SLC4A4: variants seen among roughly 807,000 people sequenced by gnomAD.
The protein encoded by SLC4A4 is electrogenic sodium bicarbonate cotransporter 1.
Under a neutral mutation model 111.5 loss-of-function variants are expected in SLC4A4, and 27 were observed. That is an observed-to-expected ratio of 0.24 (90% confidence interval 0.18 to 0.33). The LOEUF (loss-of-function observed/expected upper bound fraction) is 0.33. SLC4A4 is among the 10% of genes least tolerant of loss of function. The pLI is 1.00. For missense variants in SLC4A4, 909 were observed against 1,315.5 expected (o/e 0.69, Z 4.78); for synonymous variants, 443 against 463.4 (o/e 0.96, Z 0.57).
At chr4:71,260,081 A>G (rs1721741719) in intron 3 of SLC4A4, among the ~76,000 whole-genome samples, 1 of 152,104 alleles carries the variant, frequency 6.6e-6, no homozygotes, top group Non-Finnish European at 1.5e-5. Flanking sequence ...ACCAGAACTG[A>G]TGGATTTATG....
chr4:71,414,496 A>C (rs377358474), intron 7 of SLC4A4, among the ~76,000 whole-genome samples: 53 of 152,310 alleles, frequency 3.5e-4, no homozygotes, highest in African/African-American at 1.2e-3. Context: ...TTATTTTCAA[A>C]CTATTAACTT....
intron 2 of SLC4A4, among the ~76,000 whole-genome samples, chr4:71,179,359 A>G (rs55862087): frequency 0.024 from 3,728 of 152,246 alleles, 72 homozygotes; most frequent in African/African-American, 0.055. Context: ...GGCCAGGGCA[A>G]TCAGGCAGAA....
At position 71,557,444 on chromosome 4, in the gene SLC4A4, T is replaced by C. The variant is rs1296439980; in HGVS notation, c.2764-268T>C. Among the ~76,000 whole-genome samples, 7 of 152,042 alleles carry C rather than the reference T, an allele frequency of 4.6e-5. No homozygotes were observed. The East Asian group carries it at 1.4e-3, about 30-fold the overall frequency. On this transcript the variant is annotated intron_variant, in intron 21 of 25. Coordinates refer to ENST00000264485, the MANE Select transcript of SLC4A4 (RefSeq NM_001098484.3). Reference sequence around the variant, plus strand: ...AAATAGAAATTAGGAGATGAGCTCCTAGAATTTTTTTTCTTTGTGACCTTA... The same window carrying C: ...AAATAGAAATTAGGAGATGAGCTCCCAGAATTTTTTTTCTTTGTGACCTTA...
intron 2 of SLC4A4, among the ~76,000 whole-genome samples, chr4:71,238,951 C>T (rs1719995605): frequency 6.6e-6 from 1 of 152,102 alleles, no homozygotes; most frequent in Non-Finnish European, 1.5e-5. Context: ...ATGTTAAGAC[C>T]TCTAAGAAGT....
intron 18 of SLC4A4, among the ~76,000 whole-genome samples, chr4:71,537,394 A>G (rs928910511): frequency 1.5e-4 from 12 of 81,904 alleles, no homozygotes; most frequent in African/African-American, 2.1e-4. Flanking sequence ...ATGTGTGTGT[A>G]TATATTATAC....
chr4:71,182,552 C>T (rs1055712388), upstream of SLC4A4, among the ~76,000 whole-genome samples: 8 of 152,188 alleles, frequency 5.3e-5, no homozygotes, highest in South Asian at 4.2e-4. Flanking sequence ...CAGCTGAATC[C>T]GCATGACTTG....
At chr4:71,350,940 A>G (rs574172120) in intron 5 of SLC4A4, among the ~76,000 whole-genome samples, 1 of 152,258 alleles carries the variant, frequency 6.6e-6, no homozygotes, top group South Asian at 2.1e-4. Context: ...TAAGAAGTGG[A>G]GCCCCTGCAC....
At chr4:71,481,305 C>T (rs1334861180) in intron 14 of SLC4A4, among the ~76,000 whole-genome samples, 2 of 151,802 alleles carry the variant, frequency 1.3e-5, no homozygotes, top group Admixed American at 6.6e-5. Context: ...TACACTTGAC[C>T]TCACAGTCTC....
intron 12 of SLC4A4, among the ~76,000 whole-genome samples, chr4:71,461,556 C>A (rs1726826685): frequency 6.6e-6 from 1 of 152,122 alleles, no homozygotes; most frequent in South Asian, 2.1e-4. Context: ...GCTTGCGTTG[C>A]CTTAGCCATG....
chr4:71,118,607 G>T (rs1324628334), intron 2 of SLC4A4, among the ~76,000 whole-genome samples: 1 of 151,866 alleles, frequency 6.6e-6, no homozygotes, highest in Non-Finnish European at 1.5e-5. Flanking sequence ...GTAGTAAAAT[G>T]CTCCTATTTT....
At chr4:71,473,806 G>A (rs947292854) in intron 14 of SLC4A4, among the ~76,000 whole-genome samples, 3 of 151,814 alleles carry the variant, frequency 2.0e-5, no homozygotes, top group Admixed American at 6.6e-5. Flanking sequence ...TTTCAAAAAA[G>A]GATTTACTTT....
At position 71,534,316 on chromosome 4, in the gene SLC4A4, G is replaced by C. The variant is rs1204021591; in HGVS notation, c.2370G>C (p.Leu790Phe). The C allele has an allele frequency of 6.2e-7, 1 of 1,613,592 alleles. No homozygotes were observed. The highest frequency in any genetic ancestry group is 1.7e-5 in the Admixed American group (1 of 59,934). ...TTGCTGCTGCTATCCCGGCTTTGTT[G>C]GTCACTATACTGATTTTCATGGACC... ...VCLAAAIPAL[L>F]VTILIFMDQQ... The change falls in exon 18 of 26, where the codon TTG (leucine) becomes TTC (phenylalanine). Residue 790 changes from leucine (L) to phenylalanine (F), a missense_variant. Around this residue, in one of 7 missense-constraint regions of SLC4A4, gnomAD observed 264 missense variants for 356.8 expected, o/e 0.74. Coordinates refer to ENST00000264485, the MANE Select transcript of SLC4A4 (RefSeq NM_001098484.3).
At chr4:71,282,006 G>A (rs1723557451) in intron 3 of SLC4A4, among the ~76,000 whole-genome samples, 1 of 148,138 alleles carries the variant, frequency 6.8e-6, no homozygotes, top group East Asian at 2.0e-4. Flanking sequence ...ACATTTATTT[G>A]GGTGACCTCA....
intron 6 of SLC4A4, among the ~76,000 whole-genome samples, chr4:71,359,857 CAAA>C (rs762353104): frequency 9.9e-5 from 15 of 152,026 alleles, no homozygotes; most frequent in Non-Finnish European, 2.2e-4. Flanking sequence ...TCATAGGCTA[CAAA>C]ATAGATTCAG....
intron 1 of SLC4A4, among the ~76,000 whole-genome samples, chr4:71,195,570 A>G (rs1013875013): frequency 6.6e-6 from 1 of 152,218 alleles, no homozygotes; most frequent in South Asian, 2.1e-4. Flanking sequence ...CTACTGTTTT[A>G]AAAACAGTGA....
At chr4:71,178,713 A>G (rs527503953) in intron 2 of SLC4A4, among the ~76,000 whole-genome samples, 4 of 152,334 alleles carry the variant, frequency 2.6e-5, no homozygotes, top group Non-Finnish European at 5.9e-5. Flanking sequence ...GCACTAATTA[A>G]TAGCTTACCA....
At chr4:71,250,782 A>G (rs1278486333) in intron 2 of SLC4A4, among the ~76,000 whole-genome samples, 1 of 152,218 alleles carries the variant, frequency 6.6e-6, no homozygotes, top group Non-Finnish European at 1.5e-5. Context: ...TACAGAACAC[A>G]CCATCAAAGT....
chr4:71,462,465 G>A (rs545502787), intron 12 of SLC4A4, among the ~76,000 whole-genome samples: 4 of 147,928 alleles, frequency 2.7e-5, no homozygotes, highest in African/African-American at 1.0e-4. Flanking sequence ...CTGGAGTGGA[G>A]TGGCGTGATC....
intron 2 of SLC4A4, among the ~76,000 whole-genome samples, chr4:71,241,909 C>A (rs1245964586): frequency 2.0e-5 from 3 of 152,344 alleles, no homozygotes; most frequent in Non-Finnish European, 1.5e-5. Context: ...TCCTCATGGC[C>A]TCAGCTGAAC....
Sources: gnomAD v4.1 joint callset for allele counts (sites outside exome capture counted in the v4.1 genomes callset) on GRCh38, gnomAD v4.1.1 for gene constraint, gnomAD v4.1.1 regional missense constraint, MANE v1.5 for transcripts, NCBI Gene and HGNC (gene_info 2026-07-23, HGNC 2026-07-21) for gene names.